Variants in VPS13B observed in about 807,000 individuals in gnomAD.
The protein encoded by VPS13B is intermembrane lipid transfer protein VPS13B.
VPS13B carries 285 observed loss-of-function variants against 426.4 expected under a neutral mutation model. The ratio of observed to expected loss-of-function variants is 0.67; its 90% CI spans 0.61 to 0.74. VPS13B has a LOEUF of 0.74. Ranked by LOEUF, VPS13B falls within the 30% of genes least tolerant of loss-of-function variation. The pLI is 0.00. For synonymous variants in VPS13B, 1,676 were observed against 1,676.4 expected, an observed-to-expected ratio of 1.00 and a Z score of 0.01; for missense variants, 4,537 against 4,782.6, an observed-to-expected ratio of 0.95 and a Z score of 1.51.
Position 99,075,967 on chromosome 8 carries a change from A to G in VPS13B, c.292-20345A>G, listed in dbSNP as rs146987226. Among the ~76,000 whole-genome samples the G allele has an allele frequency of 1.9e-4, 28 of 151,258 alleles. No homozygotes were observed. The East Asian group carries it at 4.9e-3, about 26-fold the overall frequency. On this transcript the variant is annotated intron_variant, in intron 3 of 61. Coordinates refer to ENST00000357162, the MANE Select transcript of VPS13B (RefSeq NM_152564.5). ...GTCATCATTAGGTGGTTTTTTTGAA[A>G]TCTTTCTACTTTTTTGTTGTAGGCA...
intron 25 of VPS13B, among the ~76,000 whole-genome samples, chr8:99,491,737 C>G (rs183032070): frequency 7.9e-5 from 12 of 152,294 alleles, no homozygotes; most frequent in Admixed American, 7.2e-4. Context: ...CTTGTCTACA[C>G]TGTTTATTCT....
chr8:99,136,714 T>C lies in VPS13B; in HGVS notation c.1613T>C (p.Met538Thr), dbSNP rs1810088600. 7.4e-6 allele frequency: 12 copies of C among 1,613,674 alleles called. No individual in the cohort carries two copies. Among genetic ancestry groups the C allele is most frequent in the Non-Finnish European group, 9.3e-6 (11 of 1,179,660 alleles). ...ATGCAACGGTTTGGGGCTTTTTATA[T>C]GGATTACCTGTATACAATGGAGAAC... is the stretch of plus-strand genomic sequence containing the variant. ...AGMQRFGAFYMDYLYTMENTS... is the reference protein window; with the variant it reads ...AGMQRFGAFYTDYLYTMENTS... Residue 538 changes from methionine (M) to threonine (T), a missense_variant, in exon 12 of 62, where the codon ATG becomes ACG. Transcript: ENST00000357162.
chr8:99,279,162 C>A (rs1208079550), intron 19 of VPS13B, among the ~76,000 whole-genome samples: 1 of 152,098 alleles, frequency 6.6e-6, no homozygotes, highest in Non-Finnish European at 1.5e-5. Context: ...TCACTTGAGC[C>A]TGGGAGGCAG....
intron 30 of VPS13B, among the ~76,000 whole-genome samples, chr8:99,551,975 T>C (rs1270072794): frequency 6.6e-6 from 1 of 152,030 alleles, no homozygotes; most frequent in East Asian, 1.9e-4. Flanking sequence ...CTCCTTGTTC[T>C]GTCTATTACC....
rs1357120067 is a variant in VPS13B, at chr8:99,136,684, C to G, written c.1583C>G (p.Ala528Gly). The G allele has an allele frequency of 1.2e-6, 2 of 1,613,430 alleles. No homozygotes were observed. Among genetic ancestry groups the G allele is most frequent in the Non-Finnish European group, 1.7e-6 (2 of 1,179,640 alleles). The change falls in exon 12 of 62, where the codon GCT (alanine) becomes GGT (glycine). Residue 528 changes from alanine (A) to glycine (G), a missense_variant. Physicochemically the swap from Ala to Gly is moderately conservative, Grantham distance 60. This residue lies in a region of VPS13B where 4,311 missense variants were observed against 4,474.3 expected (regional missense o/e 0.96). Coordinates refer to ENST00000357162, the MANE Select transcript of VPS13B (RefSeq NM_152564.5). Reference sequence around the variant, plus strand: ...TGGCAGGAGACATACACTGAGATAGCTGGAATGCAACGGTTTGGGGCTTTT... The same window carrying G: ...TGGCAGGAGACATACACTGAGATAGGTGGAATGCAACGGTTTGGGGCTTTT... ...THHKETYTEI[A>G]GMQRFGAFYM...
At chr8:99,305,542 A>C (rs1820592051) in intron 19 of VPS13B, among the ~76,000 whole-genome samples, 1 of 152,106 alleles carries the variant, frequency 6.6e-6, no homozygotes, top group African/African-American at 2.4e-5. Context: ...CTGTGTCTTT[A>C]TTAAAGCACT....
intron 19 of VPS13B, among the ~76,000 whole-genome samples, chr8:99,331,737 T>C (rs1267346861): frequency 1.3e-5 from 2 of 151,632 alleles, no homozygotes; most frequent in Non-Finnish European, 3.0e-5. Flanking sequence ...AATTGTAAAA[T>C]TTAAGGTTGG....
rs398124336 is a variant in VPS13B at position 99,699,744 on chromosome 8, G to T, written c.6266G>T (p.Gly2089Val). 1.2e-6 allele frequency: 2 copies of T among 1,614,124 alleles called. No individual in the cohort carries two copies. The highest frequency in any genetic ancestry group is 1.7e-6 in the Non-Finnish European group (2 of 1,180,020). ...TCTAAACCCAAAATTCATGGTGATG[G>T]AGTGCAAAAGATTTCAGCTCAAGAA... is the stretch of plus-strand genomic sequence containing the variant. ...KLSKPKIHGDGVQKISAQENM... is the reference protein window; with the variant it reads ...KLSKPKIHGDVVQKISAQENM... The change falls in exon 36 of 62, where the codon GGA becomes GTA. Residue 2089 changes from glycine (G) to valine (V), a missense_variant. Gly to Val is a moderately radical substitution (Grantham distance 109). This residue lies in a region of VPS13B where 4,311 missense variants were observed against 4,474.3 expected (regional missense o/e 0.96). Coordinates refer to ENST00000357162, the MANE Select transcript of VPS13B (RefSeq NM_152564.5).
chr8:99,403,321 G>A (rs1238778837), intron 21 of VPS13B, among the ~76,000 whole-genome samples: 1 of 152,030 alleles, frequency 6.6e-6, no homozygotes. Context: ...GGTCGAGGTG[G>A]GCAGATCACC....
chr8:99,436,207 A>G (rs1817365672), intron 22 of VPS13B, among the ~76,000 whole-genome samples: 1 of 152,186 alleles, frequency 6.6e-6, no homozygotes. Flanking sequence ...TTACTTGCTT[A>G]TTTGTAGTAT....
Position 99,258,694 on chromosome 8 carries a change from A to G in VPS13B, c.2516-15504A>G, listed in dbSNP as rs549760108. On this transcript the variant is annotated intron_variant, in intron 17 of 61. Transcript: ENST00000357162. ...CTAAAAATGTTGAAGGTACCTGACT[A>G]TATTACTACCTGAAAGACTGTTTAT... Among the ~76,000 whole-genome samples, 5 of 152,202 alleles carry G rather than the reference A, an allele frequency of 3.3e-5. No individual in the cohort carries two copies. The East Asian group carries it at 5.8e-4, about 18-fold the overall frequency.
chr8:99,393,400 C>G (rs1271422036), intron 21 of VPS13B, among the ~76,000 whole-genome samples: 1 of 151,964 alleles, frequency 6.6e-6, no homozygotes, highest in Non-Finnish European at 1.5e-5. Context: ...AACATAATTT[C>G]TCATCATTAA....
intron 30 of VPS13B, among the ~76,000 whole-genome samples, chr8:99,555,881 G>A (rs550061395): frequency 6.6e-6 from 1 of 152,190 alleles, no homozygotes; most frequent in East Asian, 1.9e-4. Context: ...CTACATTTGG[G>A]TTATATAAAG....
At chr8:99,300,786 G>A (rs1046084080) in intron 19 of VPS13B, among the ~76,000 whole-genome samples, 3 of 151,658 alleles carry the variant, frequency 2.0e-5, no homozygotes, top group Admixed American at 6.6e-5. Context: ...ATGTGCTGCT[G>A]TGTACCTCAA....
At chr8:99,688,780 G>GTATA (rs1349330011) in intron 35 of VPS13B, among the ~76,000 whole-genome samples, 3 of 152,032 alleles carry the variant, frequency 2.0e-5, no homozygotes, top group African/African-American at 7.3e-5. Context: ...TGTATGTAAT[G>GTATA]TATATACATG....
intron 19 of VPS13B, among the ~76,000 whole-genome samples, chr8:99,352,381 T>C (rs943587749): frequency 5.3e-5 from 8 of 152,222 alleles, no homozygotes; most frequent in Non-Finnish European, 2.9e-5. Context: ...TCTGTTTTTT[T>C]CTGCAGCCAT....
At chr8:99,740,797 C>G (rs1363178715) in intron 39 of VPS13B, among the ~76,000 whole-genome samples, 2 of 152,114 alleles carry the variant, frequency 1.3e-5, no homozygotes, top group Non-Finnish European at 2.9e-5. Flanking sequence ...ACCACCAGGC[C>G]TGCCCTAAAA....
intron 15 of VPS13B, 96 bp from the exon 16 acceptor site, chr8:99,169,943 C>A (rs1268505750): frequency 3.6e-6 from 5 of 1,388,936 alleles, no homozygotes; most frequent in Non-Finnish European, 5.1e-6. Flanking sequence ...ATTTAGTGTG[C>A]AGCTGTTGTA....
At chr8:99,410,326 T>C (rs1382196875) in intron 21 of VPS13B, among the ~76,000 whole-genome samples, 3 of 152,070 alleles carry the variant, frequency 2.0e-5, no homozygotes, top group Non-Finnish European at 4.4e-5. Flanking sequence ...GTATACCAGT[T>C]GCATTTTTTG....
Sources: gnomAD v4.1 joint callset for allele counts (sites outside exome capture counted in the v4.1 genomes callset) on GRCh38, gnomAD v4.1.1 for gene constraint, gnomAD v4.1.1 regional missense constraint, MANE v1.5 for transcripts, NCBI Gene and HGNC (gene_info 2026-07-23, HGNC 2026-07-21) for gene names.